Variants in NUCKS1 observed in about 807,000 individuals in gnomAD.
The protein encoded by NUCKS1 is nuclear ubiquitous casein and cyclin-dependent kinase substrate 1.
Under a neutral mutation model 33.0 loss-of-function variants are expected in NUCKS1, and 2 were observed. That is an observed-to-expected ratio of 0.06 (90% confidence interval 0.02 to 0.19). NUCKS1 has a LOEUF of 0.19. Among genes scored for constraint, NUCKS1 ranks in the 10% least tolerant of loss-of-function variants. NUCKS1 has a pLI of 1.00. For missense variants in NUCKS1, 201 were observed against 293.6 expected (o/e 0.68, Z 2.31); for synonymous variants, 106 against 102.8 (o/e 1.03, Z -0.19).
intron 1 of NUCKS1, among the ~76,000 whole-genome samples, chr1:205,748,835 G>A (rs934728881): frequency 7.9e-5 from 12 of 152,182 alleles, no homozygotes; most frequent in African/African-American, 2.9e-4. Context: ...TATTTATTTA[G>A]AAAACACACT....
Position 205,718,103 on chromosome 1 carries a change from A to AAAG in NUCKS1, c.*176_*177insCTT, listed in dbSNP as rs1671857047. ...TTTGCTTTAAAAAAAAAAAAAAAAA[A>AAAG]AGAGAGAGAGAGAGAAATGTTACTT... On this transcript the variant is annotated 3_prime_UTR_variant, in exon 7 of 7. Coordinates refer to ENST00000367142, the MANE Select transcript of NUCKS1 (RefSeq NM_022731.5). The AAAG allele has an allele frequency of 6.2e-6, 7 of 1,124,790 alleles. No individual in the cohort carries two copies. The East Asian group carries it at 1.5e-4, about 24-fold the overall frequency. The allele number at this position is 1,124,790 out of a possible 1,614,324, so 69.7% of individuals were successfully genotyped here.
intron 1 of NUCKS1, among the ~76,000 whole-genome samples, chr1:205,736,739 G>A (rs1053404372): frequency 3.3e-5 from 5 of 151,846 alleles, no homozygotes; most frequent in African/African-American, 9.7e-5. Flanking sequence ...GTTGAGGCAG[G>A]AGAATAGCTT....
rs1671771385 is a variant in NUCKS1, at chr1:205,713,086, G to C, written c.*5194C>G. 6.6e-6 allele frequency: 1 copy of C among 152,092 alleles called. No homozygotes were observed. 9.4% of individuals were successfully genotyped at this position (152,092 alleles called of 1,614,324 possible). ...TAAAGTTTCTAAATAATTTATTAGGGAAATAAGTTCCCACAAAGTCAGGCT... is the reference window on the plus strand; with the variant it reads ...TAAAGTTTCTAAATAATTTATTAGGCAAATAAGTTCCCACAAAGTCAGGCT... On this transcript the variant is annotated 3_prime_UTR_variant, in exon 7 of 7. Coordinates refer to ENST00000367142, the MANE Select transcript of NUCKS1 (RefSeq NM_022731.5).
Position 205,749,034 on chromosome 1 carries a change from T to C in NUCKS1, c.17+923A>G, listed in dbSNP as rs542963605. Among the ~76,000 whole-genome samples the C allele has an allele frequency of 5.1e-4, 77 of 152,020 alleles. 1 individual carries two copies. Among genetic ancestry groups the C allele is most frequent in the Non-Finnish European group, 7.9e-4 (54 of 67,978 alleles). On this transcript the variant is annotated intron_variant, in intron 1 of 6. Transcript: ENST00000367142. ...AGCAAACTTGTTGAAATTCCGAGAA[T>C]GAAGTCTGATGGTTACCCGAACCTA...
chr1:205,743,766 G>C (rs762762141), intron 1 of NUCKS1, among the ~76,000 whole-genome samples: 7 of 152,166 alleles, frequency 4.6e-5, no homozygotes, highest in Non-Finnish European at 8.8e-5. Context: ...TAAAAAACCT[G>C]TTTACTGTAT....
At chr1:205,730,809 A>C (rs1653891943) in intron 1 of NUCKS1, among the ~76,000 whole-genome samples, 1 of 152,050 alleles carries the variant, frequency 6.6e-6, no homozygotes, top group South Asian at 2.1e-4. Flanking sequence ...TCTACAAAAC[A>C]ATCTCCCGTC....
chr1:205,730,336 T>C (rs1308266287), intron 1 of NUCKS1, among the ~76,000 whole-genome samples: 1 of 149,710 alleles, frequency 6.7e-6, no homozygotes, highest in Non-Finnish European at 1.5e-5. Context: ...CACGAGCCAC[T>C]GCACCCAGCC....
In NUCKS1 at chr1:205,718,487, T is replaced by C. The variant is rs1024336322; in HGVS notation, c.533-8A>G. The stretch of plus-strand genomic sequence containing the variant: ...TCACTGGACTTGGCGTCACTGAAAA[T>C]AGAAAAATAATTTGGGGAAGGGAAG... On this transcript the variant is annotated splice_region_variant and splice_polypyrimidine_tract_variant and intron_variant, in intron 6 of 6. Coordinates refer to ENST00000367142, the MANE Select transcript of NUCKS1 (RefSeq NM_022731.5). 2.8e-5 allele frequency: 45 copies of C among 1,605,276 alleles called. No homozygotes were observed. In the Admixed American group the frequency reaches 4.3e-4, roughly 15 times the overall value.
chr1:205,750,018 A>ACCCCCCCCCCCCCCCCCCCCCCC lies in NUCKS1; in HGVS notation c.-46_-45insGGGGGGGGGGGGGGGGGGGGGGG. On this transcript the variant is annotated 5_prime_UTR_variant, in exon 1 of 7. Transcript: ENST00000367142. ...CCGAGTCGAGAAGCCAAAGACCAGG[A>ACCCCCCCCCCCCCCCCCCCCCCC]CCCCCCCCACCCCGCGCGCTCGGCG... 1 of 964,082 alleles carries ACCCCCCCCCCCCCCCCCCCCCCC rather than the reference A, an allele frequency of 1.0e-6. No individual in the cohort carries two copies. Among genetic ancestry groups the ACCCCCCCCCCCCCCCCCCCCCCC allele is most frequent in the East Asian group, 5.0e-5 (1 of 20,038 alleles). The allele number at this position is 964,082 out of a possible 1,614,324, so 59.7% of individuals were successfully genotyped here. A position where few individuals can be genotyped will look rare whatever the true frequency, so the allele number is the denominator to read the frequency against.
At chr1:205,735,090 C>T (rs183805143) in intron 1 of NUCKS1, among the ~76,000 whole-genome samples, 1 of 152,168 alleles carries the variant, frequency 6.6e-6, no homozygotes, top group African/African-American at 2.4e-5. Flanking sequence ...TCATTTAAGT[C>T]CCAGGGCATG....
rs1377646604 is a variant in NUCKS1, at chr1:205,744,626, TAG to T, written c.17+5329_17+5330del. 1.6e-4 allele frequency among the ~76,000 whole-genome samples: 18 copies of T among 111,494 alleles called. No homozygotes were observed. The South Asian group carries it at 2.5e-3, about 16-fold the overall frequency. The allele number at this position is 111,494 out of a possible 152,430, so 73.1% of individuals were successfully genotyped here. On this transcript the variant is annotated intron_variant, in intron 1 of 6. Coordinates refer to ENST00000367142, the MANE Select transcript of NUCKS1 (RefSeq NM_022731.5). Reference sequence around the variant, plus strand: ...TCAGTGTGAAAATTCCTAAGTTCACTAGAGTTTTTTTTTTTTTTTTTTTGAGA... The same window carrying T: ...TCAGTGTGAAAATTCCTAAGTTCACTAGTTTTTTTTTTTTTTTTTTTGAGA...
Position 205,724,284 on chromosome 1 carries a change from A to G in NUCKS1, c.174-303T>C, listed in dbSNP as rs192487656. On this transcript the variant is annotated intron_variant, in intron 3 of 6. Coordinates refer to ENST00000367142, the MANE Select transcript of NUCKS1 (RefSeq NM_022731.5). ...TTGGTTCACAAGAATATTTAATAAG[A>G]AAAATATTCTCGAACAGAGGCAGAG... Among the ~76,000 whole-genome samples, 5 of 152,376 alleles carry G rather than the reference A, an allele frequency of 3.3e-5. No homozygotes were observed. In the East Asian group the frequency reaches 9.6e-4, roughly 29 times the overall value.
intron 1 of NUCKS1, among the ~76,000 whole-genome samples, chr1:205,734,216 A>G (rs1653982083): frequency 6.6e-6 from 1 of 152,152 alleles, no homozygotes; most frequent in South Asian, 2.1e-4. Flanking sequence ...ACTAAAAAGG[A>G]TACTTTTTAT....
Position 205,724,095 on chromosome 1 carries a change from A to T in NUCKS1, c.174-114T>A. ...AGTGAAAAATACCTCTTCTATATAA[A>T]ATCTTCAAACAAATGCTAAGGAGTA... On this transcript the variant is annotated intron_variant, in intron 3 of 6. Coordinates refer to ENST00000367142, the MANE Select transcript of NUCKS1 (RefSeq NM_022731.5). 8 of 817,282 alleles carry T rather than the reference A, an allele frequency of 9.8e-6. 1 individual carries two copies. The South Asian group carries it at 1.1e-4, about 11-fold the overall frequency. The allele number at this position is 817,282 out of a possible 1,614,324, so 50.6% of individuals were successfully genotyped here.
intron 1 of NUCKS1, among the ~76,000 whole-genome samples, chr1:205,749,509 G>T (rs926745840): frequency 6.6e-6 from 1 of 151,652 alleles, no homozygotes; most frequent in African/African-American, 2.4e-5. Flanking sequence ...CAGTCGCTGG[G>T]GGAAGGGGCA....
Position 205,746,443 on chromosome 1 carries a change from TCTCTCTCTCTCACACACACACACACA to T in NUCKS1, c.17+3488_17+3513del, listed in dbSNP as rs1394871982. Among the ~76,000 whole-genome samples, 31 of 70,224 alleles carry T rather than the reference TCTCTCTCTCTCACACACACACACACA, an allele frequency of 4.4e-4. No individual in the cohort carries two copies. In the East Asian group the frequency reaches 5.8e-3, roughly 13 times the overall value. The allele number at this position is 70,224 out of a possible 152,430, so 46.1% of individuals were successfully genotyped here. On this transcript the variant is annotated intron_variant, in intron 1 of 6. Transcript: ENST00000367142. The stretch of plus-strand genomic sequence containing the variant: ...CAAGGTTAATAAACTCACTTCTCTC[TCTCTCTCTCTCACACACACACACACA>T]CACACACACACACACACACTAGAGA...
At chr1:205,746,218 C>A (rs982492696) in intron 1 of NUCKS1, among the ~76,000 whole-genome samples, 1 of 151,920 alleles carries the variant, frequency 6.6e-6, no homozygotes, top group African/African-American at 2.4e-5. Context: ...TCACTTGAAC[C>A]CGGGAGGTGG....
rs752476044 is a variant in NUCKS1 at position 205,717,496 on chromosome 1, C to CTT, written c.*782_*783dup. 3.6e-4 allele frequency: 339 copies of CTT among 951,254 alleles called. No individual in the cohort carries two copies. Among genetic ancestry groups the CTT allele is most frequent in the South Asian group, 1.2e-3 (25 of 20,312 alleles). The allele number at this position is 951,254 out of a possible 1,614,324, so 58.9% of individuals were successfully genotyped here. A position where few individuals can be genotyped will look rare whatever the true frequency, so the allele number is the denominator to read the frequency against. ...AAATCAAGAGTTTTGGCAGCCCCTGCTTTTTTTTTTTTTTTAGCTCCCTAA... is the reference window on the plus strand; with the variant it reads ...AAATCAAGAGTTTTGGCAGCCCCTGCTTTTTTTTTTTTTTTTTAGCTCCCTAA... On this transcript the variant is annotated 3_prime_UTR_variant, in exon 7 of 7. Transcript: ENST00000367142.
chr1:205,739,014 C>T (rs917057153), intron 1 of NUCKS1, among the ~76,000 whole-genome samples: 9 of 152,272 alleles, frequency 5.9e-5, no homozygotes, highest in Admixed American at 1.3e-4. Context: ...TGTGAATCCA[C>T]GGCGACTTTT....
Sources: gnomAD v4.1 joint callset for allele counts (sites outside exome capture counted in the v4.1 genomes callset) on GRCh38, gnomAD v4.1.1 for gene constraint, MANE v1.5 for transcripts, NCBI Gene and HGNC (gene_info 2026-07-23, HGNC 2026-07-21) for gene names.